Variants in PCTP observed in about 807,000 individuals in gnomAD.
PCTP encodes the protein START domain-containing protein 2.
Under a neutral mutation model 31.0 loss-of-function variants are expected in PCTP, and 27 were observed. The ratio of observed to expected loss-of-function variants is 0.87; its 90% CI spans 0.64 to 1.20. PCTP has a LOEUF of 1.20. Ranked by LOEUF, PCTP falls within the 50% of genes most tolerant of loss-of-function variation. PCTP has a pLI of 0.00. For synonymous variants in PCTP, 108 were observed against 101.2 expected, an observed-to-expected ratio of 1.07 and a Z score of -0.40; for missense variants, 287 against 268.2, an observed-to-expected ratio of 1.07 and a Z score of -0.49.
At chr17:55,825,172 T>C (rs1196991368), downstream of PCTP, among the ~76,000 whole-genome samples, 2 of 152,224 alleles carry the variant, frequency 1.3e-5, no homozygotes, top group East Asian at 1.9e-4. Context: ...TTTTCTTCTA[T>C]GTCGAGGGCA....
chr17:55,770,948 G>GT, intron 2 of PCTP, 158 bp from the exon 3 acceptor site: 1 of 587,968 alleles, frequency 1.7e-6, no homozygotes, highest in Admixed American at 2.8e-5. Context: ...TCCCAGGCTG[G>GT]TCTTGAACTC....
chr17:55,816,817 A>G (rs1168078507), intron 3 of PCTP, among the ~76,000 whole-genome samples: 1 of 152,220 alleles, frequency 6.6e-6, no homozygotes, highest in East Asian at 1.9e-4. Context: ...TATTCCCAAC[A>G]TGCTGTTATT....
intron 3 of PCTP, among the ~76,000 whole-genome samples, chr17:55,797,814 T>C (rs1262623272): frequency 1.3e-5 from 2 of 152,018 alleles, no homozygotes; most frequent in Non-Finnish European, 2.9e-5. Context: ...GCTACACTTC[T>C]TTTTTGACAC....
intron 1 of PCTP, among the ~76,000 whole-genome samples, chr17:55,758,312 T>G (rs561872103): frequency 6.6e-6 from 1 of 152,334 alleles, no homozygotes; most frequent in Non-Finnish European, 1.5e-5. Context: ...TCCCAGGGAC[T>G]GTTCTTCCCT....
At chr17:55,810,963 C>T (rs1026564772) in intron 3 of PCTP, among the ~76,000 whole-genome samples, 10 of 152,174 alleles carry the variant, frequency 6.6e-5, no homozygotes, top group African/African-American at 2.2e-4. Flanking sequence ...GAGTTACACC[C>T]AAGCTGCCAG....
downstream of PCTP, among the ~76,000 whole-genome samples, chr17:55,825,066 C>A (rs1905352586): frequency 6.6e-6 from 1 of 152,118 alleles, no homozygotes; most frequent in Non-Finnish European, 1.5e-5. Flanking sequence ...ACCAGGTGCA[C>A]AAATTTTTTT....
the PCTP span, among the ~76,000 whole-genome samples, chr17:55,852,319 A>C: frequency 4.5e-4 from 69 of 152,286 alleles, 1 homozygote; most frequent in East Asian, 0.011. Flanking sequence ...AATGAACTGG[A>C]AAAGTCGTGG....
chr17:55,828,257 C>T (rs1598020287), intron 5 of PCTP, among the ~76,000 whole-genome samples: 1 of 152,170 alleles, frequency 6.6e-6, no homozygotes, highest in East Asian at 1.9e-4. Context: ...AATTGGGTGG[C>T]TTAAAACAAC....
At chr17:55,815,362 T>TC (rs1912884017) in intron 3 of PCTP, among the ~76,000 whole-genome samples, 1 of 152,150 alleles carries the variant, frequency 6.6e-6, no homozygotes, top group South Asian at 2.1e-4. Flanking sequence ...TCAAGCCCAC[T>TC]CCGCTAAAAG....
At chr17:55,813,030 GAACT>G (rs1912804944) in intron 3 of PCTP, among the ~76,000 whole-genome samples, 1 of 152,150 alleles carries the variant, frequency 6.6e-6, no homozygotes, top group Non-Finnish European at 1.5e-5. Context: ...GAACAGAACT[GAACT>G]CAGTTCCTCA....
chr17:55,844,949 T>C (rs1466461461), downstream of PCTP, among the ~76,000 whole-genome samples: 3 of 151,302 alleles, frequency 2.0e-5, no homozygotes, highest in African/African-American at 7.3e-5. Context: ...TAGCCGGGCT[T>C]GGTGGCACAT....
At chr17:55,828,118 T>C (rs1905462819) in intron 5 of PCTP, among the ~76,000 whole-genome samples, 1 of 152,174 alleles carries the variant, frequency 6.6e-6, no homozygotes, top group Non-Finnish European at 1.5e-5. Flanking sequence ...TAAACCCTTC[T>C]ATAACTAATT....
intron 3 of PCTP, among the ~76,000 whole-genome samples, chr17:55,793,155 G>A (rs911512130): frequency 6.6e-6 from 1 of 151,530 alleles, no homozygotes; most frequent in African/African-American, 2.4e-5. Flanking sequence ...ATATTAAGAA[G>A]ATGCTGGCCT....
At chr17:55,782,509 A>G (rs1911599825) in intron 2 of PCTP, among the ~76,000 whole-genome samples, 1 of 152,212 alleles carries the variant, frequency 6.6e-6, no homozygotes, top group African/African-American at 2.4e-5. Flanking sequence ...CAACTTACTG[A>G]TGATGAATAT....
At chr17:55,828,322 G>A (rs1287968069) in intron 5 of PCTP, among the ~76,000 whole-genome samples, 1 of 152,206 alleles carries the variant, frequency 6.6e-6, no homozygotes, top group Non-Finnish European at 1.5e-5. Context: ...CGAGGTGTCA[G>A]CAGGGCTGTA....
At chr17:55,775,640 ATATCC>A in intron 5 of PCTP, 3 of 1,195,178 alleles carry the variant, frequency 2.5e-6, no homozygotes, top group Non-Finnish European at 3.1e-6. Context: ...AAATAATAAT[ATATCC>A]TGCTCCTTGA....
chr17:55,843,236 G>A (rs1363385646), downstream of PCTP, among the ~76,000 whole-genome samples: 1 of 152,062 alleles, frequency 6.6e-6, no homozygotes, highest in East Asian at 1.9e-4. Context: ...TCTTGATCTT[G>A]TTTGTTTTCA....
At chr17:55,806,259 A>C (rs1174992851) in intron 3 of PCTP, among the ~76,000 whole-genome samples, 1 of 152,098 alleles carries the variant, frequency 6.6e-6, no homozygotes, top group Non-Finnish European at 1.5e-5. Context: ...AGAGCAATAA[A>C]CCAGGAGAAG....
intron 1 of PCTP, among the ~76,000 whole-genome samples, chr17:55,755,514 G>T (rs759557379): frequency 2.6e-5 from 4 of 152,144 alleles, no homozygotes. Flanking sequence ...TAATAGAATT[G>T]TGTCCTTTTT....
Sources: gnomAD v4.1 joint callset for allele counts (sites outside exome capture counted in the v4.1 genomes callset) on GRCh38, gnomAD v4.1.1 for gene constraint, MANE v1.5 for transcripts, NCBI Gene and HGNC (gene_info 2026-07-23, HGNC 2026-07-21) for gene names.